The following DISP1 variants were observed in gnomAD, a reference collection of about 807,000 sequenced individuals.
DISP1 encodes the protein protein dispatched homolog 1.
A neutral mutation model predicts 37.3 loss-of-function variants in DISP1; 30 were observed. The observed-to-expected ratio is 0.80, with a 90% confidence interval of 0.60 to 1.09. DISP1 has a LOEUF of 1.09. DISP1 is among the 50% of genes least tolerant of loss of function. DISP1 has a pLI of 0.00. For missense variants in DISP1, 1,598 were observed against 1,879.5 expected (o/e 0.85, Z 2.77); for synonymous variants, 634 against 690.2 (o/e 0.92, Z 1.28).
At chr1:222,982,007 C>A (rs543990770) in intron 3 of DISP1, among the ~76,000 whole-genome samples, 10 of 152,148 alleles carry the variant, frequency 6.6e-5, no homozygotes, top group Non-Finnish European at 1.5e-4. Context: ...TCGAAACTGA[C>A]AAATATTAAA....
intron 1 of DISP1, chr1:222,837,189 C>CT (rs950095454): frequency 3.3e-5 from 13 of 395,126 alleles, no homozygotes; most frequent in Non-Finnish European, 5.4e-5. Context: ...GCCCTCTTTT[C>CT]TTTTTTCTCT....
chr1:222,946,243 G>A (rs975841252), intron 3 of DISP1, among the ~76,000 whole-genome samples: 7 of 151,114 alleles, frequency 4.6e-5, no homozygotes, highest in Admixed American at 4.6e-4. Flanking sequence ...AATTAGCCGG[G>A]CATGGTGGCG....
At chr1:222,990,502 G>A (rs1678621295) in intron 4 of DISP1, 123 bp from the exon 5 acceptor site, 5 of 1,386,248 alleles carry the variant, frequency 3.6e-6, no homozygotes, top group African/African-American at 1.4e-5. Flanking sequence ...TCTACAATAT[G>A]AGGATTTAAT....
intron 1 of DISP1, among the ~76,000 whole-genome samples, chr1:222,845,047 T>A (rs573890247): frequency 6.6e-6 from 1 of 152,304 alleles, no homozygotes; most frequent in East Asian, 1.9e-4. Context: ...CTCATTGTAG[T>A]TTATTAAGGT....
intron 1 of DISP1, among the ~76,000 whole-genome samples, chr1:222,887,515 G>A (rs945816591): frequency 1.2e-4 from 12 of 100,866 alleles, no homozygotes; most frequent in East Asian, 2.9e-4. Context: ...TTTTTGAGAC[G>A]GAGTCTCGCT....
At chr1:222,964,901 G>A (rs1008600500) in intron 3 of DISP1, among the ~76,000 whole-genome samples, 10 of 152,162 alleles carry the variant, frequency 6.6e-5, no homozygotes, top group African/African-American at 2.4e-4. Context: ...AACAAACACT[G>A]CTTGCTGGAA....
chr1:222,832,302 C>T (rs530118418), intron 1 of DISP1, among the ~76,000 whole-genome samples: 22 of 152,122 alleles, frequency 1.4e-4, no homozygotes, highest in Admixed American at 3.9e-4. Context: ...GGCTTAATGA[C>T]CTTTTGTAAG....
At chr1:222,868,826 C>T (rs1669350808) in intron 1 of DISP1, among the ~76,000 whole-genome samples, 1 of 151,962 alleles carries the variant, frequency 6.6e-6, no homozygotes, top group Non-Finnish European at 1.5e-5. Context: ...TTTTCAATCG[C>T]CTATATTCTT....
chr1:222,936,958 A>G (rs1673947485), intron 2 of DISP1, among the ~76,000 whole-genome samples: 1 of 88,798 alleles, frequency 1.1e-5, no homozygotes, highest in Non-Finnish European at 2.2e-5. Flanking sequence ...TACATATTAT[A>G]TTATTTATAA....
chr1:222,824,864 T>G (rs148910812), intron 1 of DISP1, among the ~76,000 whole-genome samples: 219 of 152,272 alleles, frequency 1.4e-3, no homozygotes, highest in African/African-American at 5.1e-3. Context: ...ACCCAAACTC[T>G]TTTTTCTTTG....
rs1666027149 is a variant in DISP1, at chr1:222,832,602, A to G, written c.-159+17524A>G. Among the ~76,000 whole-genome samples the G allele has an allele frequency of 2.0e-5, 3 of 152,206 alleles. No homozygotes were observed. In the South Asian group the frequency reaches 6.2e-4, roughly 31 times the overall value. Reference sequence around the variant, plus strand: ...AATTTAATTTTAAGTCAAATTTAAAATTAAAATGAAGGCCCGGCATGGTGG... The same window carrying G: ...AATTTAATTTTAAGTCAAATTTAAAGTTAAAATGAAGGCCCGGCATGGTGG... On this transcript the variant is annotated intron_variant, in intron 1 of 8. Coordinates refer to ENST00000675850, the MANE Select transcript of DISP1 (RefSeq NM_001377229.1).
chr1:222,996,073 C>T (rs749211256), intron 8 of DISP1, among the ~76,000 whole-genome samples: 3 of 152,162 alleles, frequency 2.0e-5, no homozygotes, highest in Non-Finnish European at 1.5e-5. Flanking sequence ...ACTTTCCAAT[C>T]GACTGAGGTA....
At chr1:222,907,270 G>C (rs1385920678) in intron 1 of DISP1, among the ~76,000 whole-genome samples, 3 of 152,172 alleles carry the variant, frequency 2.0e-5, no homozygotes, top group Non-Finnish European at 2.9e-5. Context: ...TAGTATGAGA[G>C]CCCTAGGTCG....
At chr1:222,885,447 C>G (rs1282949604) in intron 1 of DISP1, among the ~76,000 whole-genome samples, 1 of 151,552 alleles carries the variant, frequency 6.6e-6, no homozygotes, top group Non-Finnish European at 1.5e-5. Context: ...CCCTAGAGCT[C>G]CAAGGAGCCC....
intron 1 of DISP1, among the ~76,000 whole-genome samples, chr1:222,882,995 T>C (rs1249089866): frequency 1.3e-5 from 2 of 152,168 alleles, no homozygotes; most frequent in Non-Finnish European, 2.9e-5. Flanking sequence ...ATAATCTCCA[T>C]ATAGTGAAGA....
At chr1:222,849,812 G>A (rs1326998162) in intron 1 of DISP1, among the ~76,000 whole-genome samples, 2 of 152,070 alleles carry the variant, frequency 1.3e-5, no homozygotes, top group Non-Finnish European at 2.9e-5. Context: ...AGATCTCAGT[G>A]AGCATGTAAT....
intron 8 of DISP1, among the ~76,000 whole-genome samples, 155 bp from the exon 9 acceptor site, chr1:223,002,230 C>T (rs1027384944): frequency 6.6e-6 from 1 of 152,194 alleles, no homozygotes; most frequent in Admixed American, 6.5e-5. Flanking sequence ...AAATTTCACC[C>T]TGTATTCAAA....
intron 1 of DISP1, among the ~76,000 whole-genome samples, chr1:222,894,043 C>T (rs1178872565): frequency 6.6e-6 from 1 of 152,152 alleles, no homozygotes; most frequent in Non-Finnish European, 1.5e-5. Flanking sequence ...GTAGTTCCTT[C>T]TCCCAGCCGG....
In DISP1 at chr1:223,002,380, T is replaced by G. The variant is rs777030613; in HGVS notation, c.988-5T>G. 3.7e-6 allele frequency: 6 copies of G among 1,613,374 alleles called. No homozygotes were observed. The African/African-American group carries it at 8.0e-5, about 22-fold the overall frequency. ...TAGTCCTTCTGCTTGTCTCTATCTC[T>G]GCAGATCAGATCTCATCCCCAGTTT... is the stretch of plus-strand genomic sequence containing the variant. On this transcript the variant is annotated splice_polypyrimidine_tract_variant and splice_region_variant and intron_variant, in intron 8 of 8. Coordinates refer to ENST00000675850, the MANE Select transcript of DISP1 (RefSeq NM_001377229.1).
Sources: allele counts gnomAD v4.1 joint callset (sites outside exome capture counted in the v4.1 genomes callset), GRCh38; gene constraint gnomAD v4.1.1; transcripts MANE v1.5; gene names NCBI Gene and HGNC (gene_info 2026-07-23, HGNC 2026-07-21).